The following PITPNC1 variants were observed in gnomAD, a reference collection of about 807,000 sequenced individuals.
PITPNC1 encodes the protein phosphatidylinositol transfer protein cytoplasmic 1.
A neutral mutation model predicts 44.7 loss-of-function variants in PITPNC1; 18 were observed. The observed-to-expected ratio is 0.40, with a 90% confidence interval of 0.28 to 0.60. The LOEUF (loss-of-function observed/expected upper bound fraction) is 0.60, where lower values mean the gene tolerates loss of function less well. Ranked by LOEUF, PITPNC1 falls within the 20% of genes least tolerant of loss-of-function variation. The probability of loss-of-function intolerance (pLI) is 0.39; values close to 1 mark genes in which losing one functional copy is unlikely to be tolerated. For synonymous variants in PITPNC1, 141 were observed against 149.6 expected (o/e 0.94, Z 0.42); for missense variants, 290 against 418.4 (o/e 0.69, Z 2.68).
chr17:67,604,802 A>C (rs2041588183), intron 5 of PITPNC1, among the ~76,000 whole-genome samples: 1 of 151,100 alleles, frequency 6.6e-6, no homozygotes, highest in African/African-American at 2.4e-5. Context: ...TTAAAATATG[A>C]CTGGGCATGG....
intron 6 of PITPNC1, among the ~76,000 whole-genome samples, chr17:67,655,023 A>G (rs1423590133): frequency 1.3e-5 from 2 of 152,204 alleles, no homozygotes; most frequent in African/African-American, 2.4e-5. Flanking sequence ...TCCTGTCCAC[A>G]TGGTGTAGGG....
At chr17:67,534,638 C>CA (rs935531202) in intron 2 of PITPNC1, among the ~76,000 whole-genome samples, 23 of 128,678 alleles carry the variant, frequency 1.8e-4, no homozygotes, top group Admixed American at 4.0e-4. Flanking sequence ...GACCTTGTCT[C>CA]AAAAAAAAAG....
chr17:67,675,588 TC>T, intron 8 of PITPNC1, 46 bp downstream of exon 8: 2 of 1,311,352 alleles, frequency 1.5e-6, no homozygotes, highest in Non-Finnish European at 2.2e-6. Flanking sequence ...CTTCATGTTG[TC>T]TCGGGCTTTC....
chr17:67,575,879 CT>C (rs1209977482), intron 4 of PITPNC1, among the ~76,000 whole-genome samples: 13 of 15,906 alleles, frequency 8.2e-4, no homozygotes, highest in South Asian at 2.0e-3. Flanking sequence ...TCTTTCTTTC[CT>C]TTTTTTTTTT....
intron 5 of PITPNC1, among the ~76,000 whole-genome samples, chr17:67,587,340 T>A (rs1402684061): frequency 1.1e-4 from 16 of 149,252 alleles, no homozygotes; most frequent in Admixed American, 2.7e-4. Context: ...AAAAAAAAAA[T>A]TTAATTAGCT....
intron 4 of PITPNC1, among the ~76,000 whole-genome samples, chr17:67,554,477 C>T (rs565507116): frequency 5.6e-4 from 85 of 152,002 alleles, no homozygotes; most frequent in Non-Finnish European, 2.2e-4. Flanking sequence ...AGGCTGGTCT[C>T]GAACTCCTGA....
intron 6 of PITPNC1, among the ~76,000 whole-genome samples, chr17:67,636,317 C>T (rs1298678878): frequency 6.6e-6 from 1 of 151,232 alleles, no homozygotes; most frequent in Non-Finnish European, 1.5e-5. Context: ...TTATCTGGCT[C>T]CAAATGTCCA....
intron 1 of PITPNC1, among the ~76,000 whole-genome samples, chr17:67,423,539 A>G (rs977024580): frequency 6.6e-6 from 1 of 152,148 alleles, no homozygotes; most frequent in Admixed American, 6.5e-5. Flanking sequence ...GCGCAAATCC[A>G]TGCTCATTTA....
chr17:67,495,037 GTTGTTTTTTTTTTTGTTTTTTTT>G (rs887574246), intron 1 of PITPNC1, among the ~76,000 whole-genome samples: 14 of 79,400 alleles, frequency 1.8e-4, no homozygotes, highest in African/African-American at 6.7e-4. Flanking sequence ...GAGCCATGGA[GTTGTTTTTTTTTTTGTTTTTTTT>G]TTTTTTTTTT....
At chr17:67,532,780 T>C (rs1358393932) in intron 1 of PITPNC1, 22 bp from the exon 2 acceptor site, 2 of 1,546,860 alleles carry the variant, frequency 1.3e-6, no homozygotes, top group South Asian at 1.2e-5. Context: ...CTGACCTTTC[T>C]GTCTCTGACT....
At chr17:67,420,866 C>T (rs1304288023) in intron 1 of PITPNC1, among the ~76,000 whole-genome samples, 33 of 152,288 alleles carry the variant, frequency 2.2e-4, no homozygotes, top group Admixed American at 2.1e-3. Context: ...ATCAATAGCC[C>T]TTTACTCATA....
At chr17:67,388,111 C>A (rs538146883) in intron 1 of PITPNC1, among the ~76,000 whole-genome samples, 2 of 152,210 alleles carry the variant, frequency 1.3e-5, no homozygotes, top group African/African-American at 4.8e-5. Context: ...CTATGTCCTC[C>A]TGTAAAAGGT....
rs118018954 is a variant in PITPNC1 at position 67,691,388 on chromosome 17, A to G, written c.683-1184A>G. ...TTTGGAAAACCTACATTATCCAACA[A>G]TGATTATTAACAGTGGTATCACTGT... On this transcript the variant is annotated intron_variant, in intron 8 of 8. Coordinates refer to ENST00000581322, the MANE Select transcript of PITPNC1 (RefSeq NM_012417.4). 1.5e-3 allele frequency among the ~76,000 whole-genome samples: 225 copies of G among 152,310 alleles called. 1 individual carries two copies. Among genetic ancestry groups the G allele is most frequent in the Middle Eastern group, 0.01 (3 of 294 alleles).
intron 1 of PITPNC1, among the ~76,000 whole-genome samples, chr17:67,512,800 C>T (rs2040205579): frequency 7.3e-5 from 11 of 151,468 alleles, no homozygotes; most frequent in Admixed American, 5.3e-4. Flanking sequence ...AGAAAAGCTG[C>T]GTTCTAGGTG....
intron 1 of PITPNC1, among the ~76,000 whole-genome samples, chr17:67,460,886 C>T (rs532207375): frequency 8.7e-5 from 13 of 149,658 alleles, no homozygotes; most frequent in African/African-American, 2.0e-4. Flanking sequence ...GGATTATAGG[C>T]GCGCGCCACC....
chr17:67,634,983 G>A lies in PITPNC1; in HGVS notation c.462+2745G>A, dbSNP rs193144665. ...CAGGAGAATCACTTGAAGTCCCAGC[G>A]ACTCAGGAGGCTGAGGTTGAACCCA... On this transcript the variant is annotated intron_variant, in intron 6 of 8. Coordinates refer to ENST00000581322, the MANE Select transcript of PITPNC1 (RefSeq NM_012417.4). Among the ~76,000 whole-genome samples the A allele has an allele frequency of 4.9e-3, 752 of 152,118 alleles. 4 individuals carry two copies. Among genetic ancestry groups the A allele is most frequent in the African/African-American group, 0.017 (725 of 41,508 alleles).
intron 5 of PITPNC1, among the ~76,000 whole-genome samples, chr17:67,601,646 TTGGGAGGCTGAGG>T: frequency 6.6e-6 from 1 of 152,070 alleles, no homozygotes; most frequent in East Asian, 1.9e-4. Context: ...TCCCAGCTAC[TTGGGAGGCTGAGG>T]TGGGAGGATC....
At chr17:67,625,816 C>G (rs916511062) in intron 5 of PITPNC1, among the ~76,000 whole-genome samples, 2 of 152,128 alleles carry the variant, frequency 1.3e-5, no homozygotes, top group African/African-American at 4.8e-5. Flanking sequence ...TAATGGTCAC[C>G]TGGGTCACTT....
chr17:67,419,434 C>T (rs144170044), intron 1 of PITPNC1, among the ~76,000 whole-genome samples: 5 of 152,222 alleles, frequency 3.3e-5, no homozygotes, highest in African/African-American at 9.6e-5. Flanking sequence ...GATCCTTCTC[C>T]GTCATTGCTT....
Sources: allele counts gnomAD v4.1 joint callset (sites outside exome capture counted in the v4.1 genomes callset), GRCh38; gene constraint gnomAD v4.1.1; transcripts MANE v1.5; gene names NCBI Gene and HGNC (gene_info 2026-07-23, HGNC 2026-07-21).